Variants in ARHGEF10L observed in about 807,000 individuals in gnomAD.
ARHGEF10L encodes the protein rho guanine nucleotide exchange factor 10-like protein.
ARHGEF10L carries 69 observed loss-of-function variants against 141.2 expected under a neutral mutation model. That is an observed-to-expected ratio of 0.49 (90% CI 0.40 to 0.60). The LOEUF (loss-of-function observed/expected upper bound fraction) is 0.60, where lower values mean the gene tolerates loss of function less well. ARHGEF10L is among the 20% of genes least tolerant of loss of function. The pLI, the probability that ARHGEF10L is intolerant of heterozygous loss-of-function variation, is 0.00. For synonymous variants in ARHGEF10L, 711 were observed against 718.5 expected (o/e 0.99, Z 0.17); for missense variants, 1,482 against 1,734.3 (o/e 0.85, Z 2.58).
At position 17,587,578 on chromosome 1, in the gene ARHGEF10L, C is replaced by T. The variant is rs2079130928; in HGVS notation, c.156C>T (p.Val52=). The T allele has an allele frequency of 1.2e-6, 2 of 1,614,028 alleles. No individual in the cohort carries two copies. The highest frequency in any genetic ancestry group is 1.7e-6 in the Non-Finnish European group (2 of 1,180,006). Residue 52 remains valine, a synonymous_variant, in exon 3 of 29, where the codon GTC becomes GTT. Transcript: ENST00000361221. ...DEEDTSAALG[V]PSLAPERDTD... is the part of the protein sequence containing the mutation. ...AGGACACCAGCGCAGCCCTGGGCGTCCCCAGCCTTGCTCCTGAGAGGGACA... is the reference window on the plus strand; with the variant it reads ...AGGACACCAGCGCAGCCCTGGGCGTTCCCAGCCTTGCTCCTGAGAGGGACA...
At chr1:17,518,216 A>G in the ARHGEF10L span, among the ~76,000 whole-genome samples, 1 of 152,208 alleles carries the variant, frequency 6.6e-6, no homozygotes. Context: ...GCTGGACCCC[A>G]GTCTGGGACC....
the ARHGEF10L span, among the ~76,000 whole-genome samples, chr1:17,533,015 T>A: frequency 6.6e-6 from 1 of 152,300 alleles, no homozygotes; most frequent in South Asian, 2.1e-4. Flanking sequence ...CCCTTCATCC[T>A]GCACCAAGAC....
At position 17,558,757 on chromosome 1, in the gene ARHGEF10L, G is replaced by A. The variant is rs555713030; in HGVS notation, c.-44+18807G>A. Reference sequence around the variant, plus strand: ...GCCAACATGAGTTGTCAGTGAATGGGGAGATGAGTCAGAAAGGATGCCCTG... The same window carrying A: ...GCCAACATGAGTTGTCAGTGAATGGAGAGATGAGTCAGAAAGGATGCCCTG... On this transcript the variant is annotated intron_variant, in intron 1 of 28. Transcript: ENST00000361221. This position sits in a 1 kb window ranked among gnomAD's most constrained non-coding sequence, Gnocchi z 4.2. Among the ~76,000 whole-genome samples, 11 of 152,334 alleles carry A rather than the reference G, an allele frequency of 7.2e-5. No homozygotes were observed. The highest frequency in any genetic ancestry group is 2.6e-4 in the African/African-American group (11 of 41,566).
rs952551943 is a variant in ARHGEF10L at position 17,607,497 on chromosome 1, C to T, written c.434-305C>T. On this transcript the variant is annotated intron_variant, in intron 6 of 28. Coordinates refer to ENST00000361221, the MANE Select transcript of ARHGEF10L (RefSeq NM_018125.4). The surrounding 1 kb of genome is among the most constrained non-coding windows in gnomAD (Gnocchi z 4.5). ...CTCTAAAACAAAATTGCCAAGGAGG[C>T]TCACAATGAGCGCTGAGACCATACA... 6.6e-6 allele frequency among the ~76,000 whole-genome samples: 1 copy of T among 152,154 alleles called. No individual in the cohort carries two copies. The highest frequency in any genetic ancestry group is 1.5e-5 in the Non-Finnish European group (1 of 68,024).
intron 10 of ARHGEF10L, among the ~76,000 whole-genome samples, chr1:17,620,420 A>G (rs188837337): frequency 0.012 from 1,803 of 152,290 alleles, 18 homozygotes; most frequent in South Asian, 0.028. Context: ...AAGCTGCTGA[A>G]CATCCTACGA....
rs966201984 is a variant in ARHGEF10L at position 17,627,564 on chromosome 1, G to C, written c.1584+61G>C. 6.4e-7 allele frequency: 1 copy of C among 1,564,530 alleles called. No individual in the cohort carries two copies. The highest frequency in any genetic ancestry group is 8.7e-7 in the Non-Finnish European group (1 of 1,153,430). On this transcript the variant is annotated intron_variant, in intron 15 of 28. Coordinates refer to ENST00000361221, the MANE Select transcript of ARHGEF10L (RefSeq NM_018125.4). This position sits in a 1 kb window ranked among gnomAD's most constrained non-coding sequence, Gnocchi z 4.0. ...CCTGCCCTCACCTGTGCTCCTGCCC[G>C]TGCCCCTGCCCCACGCCACCCACAC... is the stretch of plus-strand genomic sequence containing the variant.
intron 26 of ARHGEF10L, among the ~76,000 whole-genome samples, chr1:17,665,926 G>A (rs757640683): frequency 5.3e-5 from 8 of 152,140 alleles, no homozygotes; most frequent in African/African-American, 1.9e-4. Context: ...CCTGTGAGCC[G>A]GTGGTGTGCC....
At chr1:17,560,653 C>T (rs563053124) in intron 1 of ARHGEF10L, among the ~76,000 whole-genome samples, 4 of 152,354 alleles carry the variant, frequency 2.6e-5, no homozygotes, top group Middle Eastern at 3.4e-3. Context: ...ACAACCTCTG[C>T]CTTCTGGGTT....
chr1:17,632,094 G>T (rs542111632), intron 15 of ARHGEF10L, among the ~76,000 whole-genome samples: 2 of 152,300 alleles, frequency 1.3e-5, no homozygotes, highest in African/African-American at 4.8e-5. Context: ...GGGTGCTGGT[G>T]AATGCTCAGT....
chr1:17,592,922 C>A (rs2079692730), intron 4 of ARHGEF10L, among the ~76,000 whole-genome samples: 1 of 152,140 alleles, frequency 6.6e-6, no homozygotes, highest in Non-Finnish European at 1.5e-5. Flanking sequence ...CATTAAAAAT[C>A]TTTCTTTAAA....
rs112169452 is a variant in ARHGEF10L, at chr1:17,599,119, T to C, written c.258-3008T>C. ...GGGAGGCCAAGGTGGGCAGATCACC[T>C]GAGGTCAGGAGTTCGAGACCAGCCT... On this transcript the variant is annotated intron_variant, in intron 4 of 28. Coordinates refer to ENST00000361221, the MANE Select transcript of ARHGEF10L (RefSeq NM_018125.4). Among the ~76,000 whole-genome samples the C allele has an allele frequency of 3.1e-3, 474 of 152,220 alleles. 4 individuals carry two copies. Among genetic ancestry groups the C allele is most frequent in the African/African-American group, 0.011 (452 of 41,546 alleles).
the ARHGEF10L span, among the ~76,000 whole-genome samples, chr1:17,529,763 A>AG: frequency 6.7e-6 from 1 of 149,316 alleles, no homozygotes; most frequent in Non-Finnish European, 1.5e-5. Context: ...AGGAATGATC[A>AG]GGGGGTCCCT....
chr1:17,530,214 G>A, the ARHGEF10L span, among the ~76,000 whole-genome samples: 9 of 152,100 alleles, frequency 5.9e-5, no homozygotes, highest in African/African-American at 2.2e-4. Context: ...TTTGTTGAAT[G>A]CATGCCAAGT....
chr1:17,541,548 A>G (rs1470168351), intron 1 of ARHGEF10L, among the ~76,000 whole-genome samples: 1 of 152,176 alleles, frequency 6.6e-6, no homozygotes, highest in Non-Finnish European at 1.5e-5. Flanking sequence ...GTATAAGAGG[A>G]GGTTGGGTGT....
In ARHGEF10L at chr1:17,695,205, C is replaced by T. The variant is rs778029506; in HGVS notation, c.3232C>T (p.Leu1078Phe). The T allele has an allele frequency of 6.2e-7, 1 of 1,612,870 alleles. No individual in the cohort carries two copies. Among genetic ancestry groups the T allele is most frequent in the South Asian group, 1.1e-5 (1 of 91,046 alleles). ...CAGCCTCCTGATCTGCCAGGGTCTG[C>T]TCTGGGTGGGCACTGACCAGGGTGT... ...VTSLLICQGLLWVGTDQGVIV... is the reference protein window; with the variant it reads ...VTSLLICQGLFWVGTDQGVIV... The change falls in exon 28 of 29, where the codon CTC (leucine) becomes TTC (phenylalanine). Residue 1078 changes from leucine (L) to phenylalanine (F), a missense_variant. Physicochemically the swap from Leu to Phe is conservative, Grantham distance 22. Around this residue, in one of 3 missense-constraint regions of ARHGEF10L, gnomAD observed 858 missense variants for 966.3 expected, o/e 0.89. Transcript: ENST00000361221.
chr1:17,676,457 G>T (rs2063728681), intron 26 of ARHGEF10L, among the ~76,000 whole-genome samples: 1 of 151,908 alleles, frequency 6.6e-6, no homozygotes, highest in Admixed American at 6.6e-5. Context: ...CAGGTGTGGG[G>T]TGGTGGAGGG....
chr1:17,680,401 G>A (rs2064028065), intron 26 of ARHGEF10L, among the ~76,000 whole-genome samples: 1 of 152,230 alleles, frequency 6.6e-6, no homozygotes, highest in Admixed American at 6.5e-5. Flanking sequence ...GCGTCACCTG[G>A]AGGCACATAA....
At chr1:17,576,705 A>T (rs1222263897) in intron 1 of ARHGEF10L, among the ~76,000 whole-genome samples, 1 of 151,972 alleles carries the variant, frequency 6.6e-6, no homozygotes, top group Non-Finnish European at 1.5e-5. Context: ...CATCACACCC[A>T]CTGCTGGGTC....
At chr1:17,602,573 G>A (rs1167138213) in intron 5 of ARHGEF10L, among the ~76,000 whole-genome samples, 2 of 152,206 alleles carry the variant, frequency 1.3e-5, no homozygotes, top group East Asian at 3.9e-4. Context: ...AAGAGAGGGA[G>A]GCAGCAGGGG....
Sources: allele counts gnomAD v4.1 joint callset (sites outside exome capture counted in the v4.1 genomes callset), GRCh38; gene constraint gnomAD v4.1.1; regional missense constraint gnomAD v4.1.1; non-coding constraint Gnocchi (gnomAD v3.1); transcripts MANE v1.5; gene names NCBI Gene and HGNC (gene_info 2026-07-23, HGNC 2026-07-21).